ZBTB43: variants seen among roughly 807,000 people sequenced by gnomAD.
ZBTB43 encodes the protein zinc finger and BTB domain containing 43, also known as zinc finger and BTB domain-containing protein 43.
Under a neutral mutation model 31.1 loss-of-function variants are expected in ZBTB43, and 6 were observed. That is an observed-to-expected ratio of 0.19 (90% confidence interval 0.11 to 0.38). ZBTB43 has a LOEUF of 0.38. Among genes scored for constraint, ZBTB43 ranks in the 10% least tolerant of loss-of-function variants. The pLI, the probability that ZBTB43 is intolerant of heterozygous loss-of-function variation, is 1.00. For missense variants in ZBTB43, 379 were observed against 602.1 expected (o/e 0.63, Z 3.88); for synonymous variants, 212 against 221.7 (o/e 0.96, Z 0.39).
intron 2 of ZBTB43, among the ~76,000 whole-genome samples, chr9:126,822,199 G>C (rs1038206326): frequency 3.4e-5 from 5 of 149,058 alleles, no homozygotes; most frequent in Non-Finnish European, 7.4e-5. Context: ...CATCTGCTAT[G>C]GTTAGTGTTA....
chr9:126,815,964 AAC>A (rs1564201414), intron 2 of ZBTB43, among the ~76,000 whole-genome samples: 2 of 152,090 alleles, frequency 1.3e-5, no homozygotes, highest in African/African-American at 2.4e-5. Context: ...TTAAGTTAGA[AAC>A]AGTTTGATCC....
At chr9:126,823,968 C>T (rs972038326) in intron 2 of ZBTB43, among the ~76,000 whole-genome samples, 6 of 152,002 alleles carry the variant, frequency 3.9e-5, no homozygotes, top group African/African-American at 1.4e-4. Context: ...TTGTTTTATG[C>T]ATTCATTAGC....
chr9:126,811,157 G>A (rs2032238988), intron 2 of ZBTB43, among the ~76,000 whole-genome samples: 1 of 151,236 alleles, frequency 6.6e-6, no homozygotes, highest in South Asian at 2.1e-4. Flanking sequence ...GGGAGGCGGA[G>A]GTTACAGTGA....
At chr9:126,820,280 C>G (rs1400352726) in intron 2 of ZBTB43, among the ~76,000 whole-genome samples, 2 of 152,200 alleles carry the variant, frequency 1.3e-5, no homozygotes, top group African/African-American at 4.8e-5. Flanking sequence ...TACCTGGCTT[C>G]AAAAGACAAG....
chr9:126,824,384 T>C (rs531209931), intron 2 of ZBTB43, among the ~76,000 whole-genome samples: 1 of 152,362 alleles, frequency 6.6e-6, no homozygotes, highest in South Asian at 2.1e-4. Context: ...TGCTTTTTTA[T>C]GTGGCTTTTC....
rs1358629888 is a variant in ZBTB43 at position 126,828,649 on chromosome 9, ATAATAAT to A, written c.-23-3835_-23-3829del. The stretch of plus-strand genomic sequence containing the variant: ...TCTCTAAATAATAATAATAATAATA[ATAATAAT>A]TATTATTATTATTATTATTATTTTG... On this transcript the variant is annotated intron_variant, in intron 2 of 2. Transcript: ENST00000373464. 4.9e-5 allele frequency among the ~76,000 whole-genome samples: 7 copies of A among 142,014 alleles called. No individual in the cohort carries two copies. The South Asian group carries it at 6.6e-4, about 13-fold the overall frequency. 93.2% of individuals were successfully genotyped at this position (142,014 alleles called of 152,430 possible).
intron 2 of ZBTB43, among the ~76,000 whole-genome samples, chr9:126,824,229 G>A (rs758072129): frequency 6.6e-6 from 1 of 152,162 alleles, no homozygotes; most frequent in Non-Finnish European, 1.5e-5. Context: ...GTTTCACTTT[G>A]TTGACCAGGC....
Position 126,808,800 on chromosome 9 carries a change from T to C in ZBTB43, c.-139T>C, listed in dbSNP as rs2032182388. 6.6e-6 allele frequency: 1 copy of C among 152,208 alleles called. No homozygotes were observed. The highest frequency in any genetic ancestry group is 1.5e-5 in the Non-Finnish European group (1 of 68,026). The allele number at this position is 152,208 out of a possible 1,614,324, so 9.4% of individuals were successfully genotyped here. On this transcript the variant is annotated 5_prime_UTR_variant, in exon 2 of 3. An upstream start codon of the reference 5' UTR is lost. Transcript: ENST00000373464. ...TGTTACTCTTCCTTCCAGAAGTCAA[T>C]GTGATTTTAATTTGAAGCAAAACTG...
rs1345349049 is a variant in ZBTB43, at chr9:126,833,673, T to G, written c.1164T>G (p.Asp388Glu). Residue 388 changes from aspartate (D) to glutamate (E), a missense_variant, in exon 3 of 3, where the codon GAT becomes GAG. Physicochemically the swap from Asp to Glu is conservative, Grantham distance 45. Around this residue, in one of 5 missense-constraint regions of ZBTB43, gnomAD observed 23 missense variants for 105.1 expected, o/e 0.22. Coordinates refer to ENST00000373464, the MANE Select transcript of ZBTB43 (RefSeq NM_014007.4). The surrounding 1 kb of genome is among the most constrained non-coding windows in gnomAD (Gnocchi z 7.9). ...GTTTCACTCACAAGAGTCAGAGAGA[T>G]CGGCACATGAGCATGCACCTCGGTC... ...GKSFTHKSQR[D>E]RHMSMHLGLR... 2 of 1,611,074 alleles carry G rather than the reference T, an allele frequency of 1.2e-6. No individual in the cohort carries two copies. Among genetic ancestry groups the G allele is most frequent in the Non-Finnish European group, 1.7e-6 (2 of 1,177,526 alleles).
At chr9:126,814,250 A>G (rs1588354143) in intron 2 of ZBTB43, among the ~76,000 whole-genome samples, 3 of 151,738 alleles carry the variant, frequency 2.0e-5, no homozygotes, top group Non-Finnish European at 4.4e-5. Context: ...TCAGTTAACA[A>G]TAAACTTTCA....
intron 2 of ZBTB43, among the ~76,000 whole-genome samples, chr9:126,809,354 A>G (rs1249696423): frequency 6.6e-6 from 1 of 152,244 alleles, no homozygotes; most frequent in East Asian, 1.9e-4. Context: ...TAATGTAAAG[A>G]GTAGGCATAG....
intron 2 of ZBTB43, among the ~76,000 whole-genome samples, chr9:126,818,030 T>C (rs766323520): frequency 1.4e-4 from 21 of 152,254 alleles, no homozygotes; most frequent in African/African-American, 4.8e-4. Context: ...CTTAACAATA[T>C]TATGTCTTCC....
intron 2 of ZBTB43, among the ~76,000 whole-genome samples, chr9:126,815,658 CTTT>C (rs200516560): frequency 2.4e-5 from 3 of 122,726 alleles, no homozygotes; most frequent in Non-Finnish European, 1.8e-5. Flanking sequence ...CTCTCTCTCT[CTTT>C]TTTTTTTTTT....
intron 2 of ZBTB43, among the ~76,000 whole-genome samples, chr9:126,830,459 A>G (rs2119164558): frequency 6.6e-6 from 1 of 152,322 alleles, no homozygotes. Flanking sequence ...AGCCTGGACA[A>G]CGTGGCGAAA....
At chr9:126,821,607 T>C (rs911905956) in intron 2 of ZBTB43, among the ~76,000 whole-genome samples, 1 of 152,174 alleles carries the variant, frequency 6.6e-6, no homozygotes, top group African/African-American at 2.4e-5. Flanking sequence ...AAGTGGAGCC[T>C]GAAGATGGGA....
chr9:126,823,722 G>A (rs2032567456), intron 2 of ZBTB43, among the ~76,000 whole-genome samples: 1 of 152,076 alleles, frequency 6.6e-6, no homozygotes, highest in South Asian at 2.1e-4. Flanking sequence ...GGGTTTGTTT[G>A]GCAGTAAACC....
intron 2 of ZBTB43, among the ~76,000 whole-genome samples, chr9:126,811,832 G>C (rs1554740479): frequency 6.6e-6 from 1 of 152,180 alleles, no homozygotes; most frequent in Non-Finnish European, 1.5e-5. Context: ...CACCATATTA[G>C]TCAGGCTGGT....
At chr9:126,804,750 G>A (rs73601156), upstream of ZBTB43, among the ~76,000 whole-genome samples, 1 of 152,256 alleles carries the variant, frequency 6.6e-6, no homozygotes, top group Non-Finnish European at 1.5e-5. Context: ...CTCCCAAAGT[G>A]CAGGGATTAC....
chr9:126,808,575 G>A (rs966505909), intron 1 of ZBTB43, among the ~76,000 whole-genome samples: 1 of 151,986 alleles, frequency 6.6e-6, no homozygotes. Context: ...TATCTTTTCA[G>A]TTTTTTTGAA....
Sources: gnomAD v4.1 joint callset for allele counts (sites outside exome capture counted in the v4.1 genomes callset) on GRCh38, gnomAD v4.1.1 for gene constraint, gnomAD v4.1.1 regional missense constraint, Gnocchi (gnomAD v3.1) non-coding constraint, MANE v1.5 for transcripts, NCBI Gene and HGNC (gene_info 2026-07-23, HGNC 2026-07-21) for gene names.